The following RGS6 variants were observed in gnomAD, a reference collection of about 807,000 sequenced individuals.
The protein encoded by RGS6 is regulator of G-protein signaling 6.
In RGS6, 30 loss-of-function variants were observed where a neutral mutation model predicts 78.5. The ratio of observed to expected loss-of-function variants is 0.38; its 90% CI spans 0.29 to 0.52. The LOEUF is 0.52. RGS6 is among the 20% of genes least tolerant of loss of function. RGS6 has a pLI of 0.85. For synonymous variants in RGS6, 206 were observed against 206.0 expected (o/e 1.00, Z 0.00); for missense variants, 495 against 609.7 (o/e 0.81, Z 1.98).
chr14:72,193,214 G>A (rs199617290), intron 2 of RGS6, among the ~76,000 whole-genome samples: 4 of 152,202 alleles, frequency 2.6e-5, no homozygotes, highest in East Asian at 1.9e-4. Flanking sequence ...GGCTGGTCTC[G>A]AACTCCTGAC....
At chr14:72,372,293 A>G (rs2083663159) in intron 3 of RGS6, among the ~76,000 whole-genome samples, 1 of 152,230 alleles carries the variant, frequency 6.6e-6, no homozygotes. Context: ...TTGTACAAAT[A>G]AAGTCTAATT....
At chr14:71,919,545 T>C in the RGS6 span, among the ~76,000 whole-genome samples, 1 of 152,166 alleles carries the variant, frequency 6.6e-6, no homozygotes, top group Non-Finnish European at 1.5e-5. Flanking sequence ...TAGCCAGGAA[T>C]GCCTATTCCA....
intron 2 of RGS6, among the ~76,000 whole-genome samples, chr14:72,179,969 A>G (rs772838169): frequency 4.6e-5 from 7 of 152,212 alleles, no homozygotes; most frequent in Non-Finnish European, 8.8e-5. Context: ...TCAGAAGAAC[A>G]ACTCCTTATT....
intron 2 of RGS6, among the ~76,000 whole-genome samples, chr14:72,127,607 T>TA (rs893573103): frequency 7.2e-5 from 11 of 151,962 alleles, no homozygotes; most frequent in South Asian, 4.2e-4. Context: ...AACCAGGGCT[T>TA]AAAAAAAACC....
the RGS6 span, among the ~76,000 whole-genome samples, chr14:72,623,017 A>G: frequency 6.6e-6 from 1 of 152,242 alleles, no homozygotes; most frequent in Non-Finnish European, 1.5e-5. Context: ...GAATGTCTAT[A>G]TATTCCTCCA....
intron 2 of RGS6, among the ~76,000 whole-genome samples, chr14:72,330,701 C>T (rs1333330107): frequency 1.3e-5 from 2 of 152,168 alleles, no homozygotes; most frequent in Non-Finnish European, 2.9e-5. Context: ...ATTAATATTG[C>T]ATGCTTGTCA....
the RGS6 span, among the ~76,000 whole-genome samples, chr14:71,917,564 A>G: frequency 6.6e-6 from 1 of 152,154 alleles, no homozygotes; most frequent in Non-Finnish European, 1.5e-5. Context: ...GGGTTGGTAG[A>G]AGTCACAGCT....
chr14:72,589,259 G>T, the RGS6 span, among the ~76,000 whole-genome samples: 1 of 152,158 alleles, frequency 6.6e-6, no homozygotes, highest in Non-Finnish European at 1.5e-5. Flanking sequence ...TAAAATTGCT[G>T]CAAACTTCAG....
At chr14:72,621,813 G>A in the RGS6 span, among the ~76,000 whole-genome samples, 4 of 152,328 alleles carry the variant, frequency 2.6e-5, no homozygotes, top group Admixed American at 2.0e-4. Context: ...TGATAGGGAA[G>A]AAGCCAAGGA....
At chr14:72,056,272 C>G (rs2093615282) in intron 2 of RGS6, among the ~76,000 whole-genome samples, 1 of 152,220 alleles carries the variant, frequency 6.6e-6, no homozygotes, top group African/African-American at 2.4e-5. Flanking sequence ...TCTGTAAGCT[C>G]TCAGCCCTGC....
chr14:71,958,964 C>T (rs182201029), intron 1 of RGS6, among the ~76,000 whole-genome samples: 3 of 152,258 alleles, frequency 2.0e-5, no homozygotes, highest in Non-Finnish European at 2.9e-5. Context: ...GAATTCTAAT[C>T]GATGTCCTAA....
chr14:72,618,516 T>C, the RGS6 span, among the ~76,000 whole-genome samples: 2 of 152,186 alleles, frequency 1.3e-5, no homozygotes, highest in Non-Finnish European at 2.9e-5. Flanking sequence ...ATGCCCCAGC[T>C]CTGAAGGTCA....
intron 2 of RGS6, among the ~76,000 whole-genome samples, chr14:72,042,053 CT>C (rs770140323): frequency 6.6e-6 from 1 of 151,774 alleles, no homozygotes. Flanking sequence ...GAATTTACTG[CT>C]TAACTTCTGC....
At chr14:72,280,530 C>T (rs530271372) in intron 2 of RGS6, among the ~76,000 whole-genome samples, 11 of 152,294 alleles carry the variant, frequency 7.2e-5, no homozygotes, top group East Asian at 3.9e-4. Flanking sequence ...TGAAAAACAA[C>T]GGCTAATGTA....
At chr14:72,430,686 T>C (rs1378376984) in intron 3 of RGS6, among the ~76,000 whole-genome samples, 1 of 152,100 alleles carries the variant, frequency 6.6e-6, no homozygotes, top group Admixed American at 6.6e-5. Flanking sequence ...GGTTTTGGGG[T>C]TTTTTTCTGT....
intron 2 of RGS6, among the ~76,000 whole-genome samples, chr14:72,332,295 C>A (rs2238199): frequency 0.54 from 81,593 of 152,056 alleles, 22,845 homozygotes; most frequent in African/African-American, 0.69. Context: ...GAGCGTTGGC[C>A]ATCTTCCAGG....
intron 3 of RGS6, among the ~76,000 whole-genome samples, chr14:72,446,738 G>A (rs746749278): frequency 5.9e-5 from 9 of 152,202 alleles, no homozygotes; most frequent in Non-Finnish European, 8.8e-5. Context: ...CTAGACAGTC[G>A]CACCTGGGGG....
chr14:72,158,861 A>G (rs200686642), intron 2 of RGS6, among the ~76,000 whole-genome samples: 2 of 151,390 alleles, frequency 1.3e-5, no homozygotes, highest in Non-Finnish European at 3.0e-5. Flanking sequence ...CAAGGGCTCT[A>G]GAGCTTTCTG....
intron 2 of RGS6, among the ~76,000 whole-genome samples, chr14:71,994,673 T>G (rs1265051268): frequency 1.3e-5 from 2 of 150,870 alleles, no homozygotes; most frequent in African/African-American, 2.4e-5. Context: ...GCCGTCACAC[T>G]GGAAATTTGG....
Sources: gnomAD v4.1 joint callset for allele counts (sites outside exome capture counted in the v4.1 genomes callset) on GRCh38, gnomAD v4.1.1 for gene constraint, MANE v1.5 for transcripts, NCBI Gene and HGNC (gene_info 2026-07-23, HGNC 2026-07-21) for gene names.